CCR3: variants seen among roughly 807,000 people sequenced by gnomAD.
CCR3 encodes C-C motif chemokine receptor 3.
For missense variants in CCR3, 419 were observed against 437.5 expected (o/e 0.96, Z 0.38); for synonymous variants, 203 against 179.2 (o/e 1.13, Z -1.06).
At chr3:46,227,177 C>T (rs1290214745) in intron 2 of CCR3, among the ~76,000 whole-genome samples, 1 of 152,110 alleles carries the variant, frequency 6.6e-6, no homozygotes, top group African/African-American at 2.4e-5. Flanking sequence ...AGCCACCACG[C>T]CCAGCTGAAA....
At position 46,244,616 on chromosome 3, in the gene CCR3, G is replaced by A. The variant is rs139768134; in HGVS notation, c.-12+2078G>A. 3.3e-3 allele frequency among the ~76,000 whole-genome samples: 500 copies of A among 152,344 alleles called. 5 individuals are homozygous for A. The highest frequency in any genetic ancestry group is 0.011 in the African/African-American group (470 of 41,582). On this transcript the variant is annotated intron_variant, in intron 1 of 1. Transcript: ENST00000395940. ...GAGCTTTTTGAGCCAGGATGAGCCA[G>A]GAAAAGGGACTTTCACAAGGTAATG...
chr3:46,234,321 A>G (rs2125925618), intron 2 of CCR3, among the ~76,000 whole-genome samples: 1 of 152,244 alleles, frequency 6.6e-6, no homozygotes. Flanking sequence ...GGATGGATTC[A>G]TTGGTTTAAT....
At chr3:46,230,793 AC>A (rs1699955413) in intron 2 of CCR3, among the ~76,000 whole-genome samples, 1 of 152,064 alleles carries the variant, frequency 6.6e-6, no homozygotes, top group African/African-American at 2.4e-5. Flanking sequence ...GGTGTTAAGG[AC>A]CGAGGCACTT....
intron 2 of CCR3, among the ~76,000 whole-genome samples, chr3:46,216,614 A>G (rs1292516742): frequency 6.6e-6 from 1 of 152,198 alleles, no homozygotes; most frequent in Admixed American, 6.6e-5. Context: ...CTTCTCCTTT[A>G]TAGGTAATCT....
intron 1 of CCR3, among the ~76,000 whole-genome samples, chr3:46,242,980 C>CATATATATATATATATATATATATAT (rs758465669): frequency 4.5e-4 from 45 of 98,904 alleles, no homozygotes; most frequent in African/African-American, 1.8e-3. Context: ...TATATATATA[C>CATATATATATATATATATATATATAT]ACATATATAT....
chr3:46,256,066 A>T (rs990038227), intron 1 of CCR3, among the ~76,000 whole-genome samples: 2 of 151,888 alleles, frequency 1.3e-5, no homozygotes, highest in African/African-American at 4.8e-5. Flanking sequence ...GTCATCTATG[A>T]TTTCTTTCAG....
chr3:46,214,611 G>A lies in CCR3; in HGVS notation c.-68+3704G>A, dbSNP rs550054641. ...ATGAGGACATCTAACAGAGAAAAGGGCTGCCTTTTCTTTTTGCCAATTTAT... is the reference window on the plus strand; with the variant it reads ...ATGAGGACATCTAACAGAGAAAAGGACTGCCTTTTCTTTTTGCCAATTTAT... On this transcript the variant is annotated intron_variant, in intron 2 of 3. Transcript: ENST00000357422. Among the ~76,000 whole-genome samples, 154 of 152,228 alleles carry A rather than the reference G, an allele frequency of 1.0e-3. 1 individual carries two copies. Among genetic ancestry groups the A allele is most frequent in the African/African-American group, 3.6e-3 (149 of 41,524 alleles).
At chr3:46,249,884 T>A (rs559567165) in intron 1 of CCR3, among the ~76,000 whole-genome samples, 28 of 150,398 alleles carry the variant, frequency 1.9e-4, no homozygotes, top group South Asian at 1.7e-3. Context: ...TTTTTTTTTT[T>A]ATCATTGTAC....
Position 46,265,579 on chromosome 3 carries a change from G to T in CCR3, c.421G>T (p.Ala141Ser). 6.2e-7 allele frequency: 1 copy of T among 1,614,090 alleles called. No homozygotes were observed. Among genetic ancestry groups the T allele is most frequent in the Non-Finnish European group, 8.5e-7 (1 of 1,179,994 alleles). ...RYLAIVHAVF[A>S]LRARTVTFGV... ...CCTGGCCATTGTCCATGCTGTGTTT[G>T]CCCTTCGAGCCCGGACTGTCACTTT... is the stretch of plus-strand genomic sequence containing the variant. Residue 141 changes from alanine (A) to serine (S), a missense_variant, in exon 2 of 2, where the codon GCC (alanine) becomes TCC (serine). Ala to Ser is a moderately conservative substitution (Grantham distance 99). Transcript: ENST00000395940.
At position 46,249,973 on chromosome 3, in the gene CCR3, C is replaced by T. The variant is rs957662571; in HGVS notation, c.-12+7435C>T. Among the ~76,000 whole-genome samples the T allele has an allele frequency of 5.9e-5, 9 of 151,806 alleles. No homozygotes were observed. In the East Asian group the frequency reaches 1.7e-3, roughly 29 times the overall value. ...TAATTTTTGGAGTTTTATTTAATGT[C>T]GGGAGCAGATTGGGTAATAAAATGT... On this transcript the variant is annotated intron_variant, in intron 1 of 1. Transcript: ENST00000395940.
chr3:46,258,988 T>A (rs995443366), intron 1 of CCR3, among the ~76,000 whole-genome samples: 1 of 152,204 alleles, frequency 6.6e-6, no homozygotes, highest in Non-Finnish European at 1.5e-5. Flanking sequence ...AACAGCATTT[T>A]AAAAAATATG....
At position 46,214,143 on chromosome 3, in the gene CCR3, C is replaced by G. The variant is rs554199645; in HGVS notation, c.-68+3236C>G. Among the ~76,000 whole-genome samples the G allele has an allele frequency of 1.7e-4, 26 of 152,300 alleles. 1 individual carries two copies. In the South Asian group the frequency reaches 5.2e-3, roughly 30 times the overall value. On this transcript the variant is annotated intron_variant, in intron 2 of 3. Coordinates refer to the CCR3 transcript ENST00000357422. ...CCCCTCTTTTAGACATTATTTCACA[C>G]CTTTTGCCTTTTCCTTAAACCTCCA...
chr3:46,244,795 C>T (rs1700161194), intron 1 of CCR3, among the ~76,000 whole-genome samples: 1 of 152,140 alleles, frequency 6.6e-6, no homozygotes, highest in South Asian at 2.1e-4. Flanking sequence ...GATGTGATGG[C>T]TTGGCTTGGG....
intron 1 of CCR3, chr3:46,264,399 G>A: frequency 1.3e-6 from 2 of 1,531,444 alleles, no homozygotes; most frequent in Admixed American, 4.0e-5. Context: ...GCTGTGGATT[G>A]GATTATGCCA....
intron 1 of CCR3, among the ~76,000 whole-genome samples, chr3:46,259,928 C>T (rs983952433): frequency 6.6e-5 from 10 of 152,164 alleles, no homozygotes; most frequent in Admixed American, 6.6e-5. Context: ...TGAAGACATA[C>T]CTGTGACTGG....
At chr3:46,214,290 C>G (rs1015803434) in intron 2 of CCR3, among the ~76,000 whole-genome samples, 2 of 152,138 alleles carry the variant, frequency 1.3e-5, no homozygotes, top group Admixed American at 6.5e-5. Context: ...CTACCGGTCA[C>G]TTTTTTCCTG....
At chr3:46,222,730 G>A (rs547830489) in intron 2 of CCR3, among the ~76,000 whole-genome samples, 10 of 152,258 alleles carry the variant, frequency 6.6e-5, no homozygotes, top group African/African-American at 2.2e-4. Flanking sequence ...TTTATTTACC[G>A]CTTGTCAGAA....
At chr3:46,254,736 G>A (rs963529161) in intron 1 of CCR3, among the ~76,000 whole-genome samples, 3 of 152,080 alleles carry the variant, frequency 2.0e-5, no homozygotes, top group Admixed American at 2.0e-4. Flanking sequence ...AATGTACAAT[G>A]TTTGGTTTTC....
rs1417925852 is a variant in CCR3 at position 46,265,289 on chromosome 3, T to C, written c.131T>C (p.Val44Ala). The change falls in exon 2 of 2, where the codon GTG becomes GCG. Residue 44 changes from valine (V) to alanine (A), a missense_variant. Val to Ala is a moderately conservative substitution (Grantham distance 64). Coordinates refer to ENST00000395940, the MANE Select transcript of CCR3 (RefSeq NM_178329.3). The part of the protein sequence containing the change: ...AQFVPPLYSL[V>A]FTVGLLGNVV... Reference sequence around the variant, plus strand: ...TTTGTGCCCCCGCTGTACTCCCTGGTGTTCACTGTGGGCCTCTTGGGCAAT... The same window carrying C: ...TTTGTGCCCCCGCTGTACTCCCTGGCGTTCACTGTGGGCCTCTTGGGCAAT... The C allele has an allele frequency of 6.2e-7, 1 of 1,614,088 alleles. No individual in the cohort carries two copies. Among genetic ancestry groups the C allele is most frequent in the African/African-American group, 1.3e-5 (1 of 75,034 alleles).
Sources: gnomAD v4.1 joint callset for allele counts (sites outside exome capture counted in the v4.1 genomes callset) on GRCh38, gnomAD v4.1.1 for gene constraint, MANE v1.5 for transcripts, NCBI Gene and HGNC (gene_info 2026-07-23, HGNC 2026-07-21) for gene names.